LPP: variants seen among roughly 807,000 people sequenced by gnomAD.
LPP encodes the protein LIM domain containing preferred translocation partner in lipoma, also known as lipoma-preferred partner.
LPP carries 38 observed loss-of-function variants against 60.4 expected under a neutral mutation model. That is an observed-to-expected ratio of 0.63 (90% CI 0.49 to 0.83). The LOEUF (loss-of-function observed/expected upper bound fraction) is 0.83, where lower values mean the gene tolerates loss of function less well. Among genes scored for constraint, LPP ranks in the 40% least tolerant of loss-of-function variants. The pLI, the probability that LPP is intolerant of heterozygous loss-of-function variation, is 0.00. For missense variants in LPP, 902 were observed against 783.6 expected (o/e 1.15, Z -1.80); for synonymous variants, 328 against 290.8 (o/e 1.13, Z -1.30).
At chr3:188,478,538 A>G (rs1386049509) in intron 4 of LPP, among the ~76,000 whole-genome samples, 1 of 152,058 alleles carries the variant, frequency 6.6e-6, no homozygotes, top group Non-Finnish European at 1.5e-5. Context: ...TTACTGTGTT[A>G]GCTGCTTTGA....
intron 8 of LPP, among the ~76,000 whole-genome samples, chr3:188,755,237 A>G (rs1336994225): frequency 2.0e-5 from 3 of 152,214 alleles, no homozygotes; most frequent in Non-Finnish European, 2.9e-5. Flanking sequence ...GAAAAATGTG[A>G]CCTGGCTTTA....
intron 3 of LPP, among the ~76,000 whole-genome samples, chr3:188,355,310 A>G (rs1767277892): frequency 6.6e-6 from 1 of 152,150 alleles, no homozygotes; most frequent in Non-Finnish European, 1.5e-5. Context: ...CCTGGCTAGA[A>G]AGAAGAGACA....
At chr3:188,837,529 G>A (rs1000298516) in intron 9 of LPP, among the ~76,000 whole-genome samples, 2 of 152,024 alleles carry the variant, frequency 1.3e-5, no homozygotes, top group Admixed American at 1.3e-4. Context: ...CAGAGGATGG[G>A]AGAACAGAGA....
chr3:188,592,005 G>A (rs1442739005), intron 6 of LPP, among the ~76,000 whole-genome samples: 5 of 152,130 alleles, frequency 3.3e-5, no homozygotes, highest in Non-Finnish European at 7.4e-5. Context: ...TGCATGCCTG[G>A]CATTTTGATA....
At chr3:188,462,921 A>G (rs970555659) in intron 4 of LPP, among the ~76,000 whole-genome samples, 5 of 152,128 alleles carry the variant, frequency 3.3e-5, no homozygotes, top group African/African-American at 1.2e-4. Flanking sequence ...AACCTGGCCA[A>G]CATGGTGAAA....
intron 2 of LPP, among the ~76,000 whole-genome samples, chr3:188,326,422 T>C (rs1039608311): frequency 6.6e-6 from 1 of 152,216 alleles, no homozygotes; most frequent in Admixed American, 6.5e-5. Context: ...ATGTGACAAG[T>C]ACACTGAGTT....
intron 2 of LPP, among the ~76,000 whole-genome samples, chr3:188,325,520 A>G (rs1241287468): frequency 6.6e-6 from 1 of 152,062 alleles, no homozygotes; most frequent in African/African-American, 2.4e-5. Context: ...TTCTGTCATT[A>G]TCTTGCTTTA....
chr3:188,552,985 T>C lies in LPP; in HGVS notation c.429+28198T>C, dbSNP rs191219753. ...CGTTAATGCATGGAGGCTGAGATTG[T>C]GAGAAGAAATGAAGCAGCCAGTCAT... On this transcript the variant is annotated intron_variant, in intron 6 of 11. Coordinates refer to ENST00000617246, the MANE Select transcript of LPP (RefSeq NM_001375462.1). Among the ~76,000 whole-genome samples the C allele has an allele frequency of 1.5e-3, 230 of 152,268 alleles. 2 individuals are homozygous for C. Among genetic ancestry groups the C allele is most frequent in the African/African-American group, 5.4e-3 (223 of 41,546 alleles).
At position 188,230,968 on chromosome 3, in the gene LPP, A is replaced by C. The variant is rs147128370; in HGVS notation, c.-67+5441A>C. On this transcript the variant is annotated intron_variant, in intron 2 of 11. Transcript: ENST00000617246. ...CCAAGCACATCGCATGATGGTTGGCAGGATTTGTTTCCCCACAGATTATTG... is the reference window on the plus strand; with the variant it reads ...CCAAGCACATCGCATGATGGTTGGCCGGATTTGTTTCCCCACAGATTATTG... Among the ~76,000 whole-genome samples the C allele has an allele frequency of 3.3e-5, 5 of 152,142 alleles. No homozygotes were observed. In the East Asian group the frequency reaches 9.7e-4, roughly 29 times the overall value.
intron 8 of LPP, among the ~76,000 whole-genome samples, chr3:188,754,660 A>AT (rs201794579): frequency 2.2e-4 from 33 of 148,604 alleles, no homozygotes; most frequent in East Asian, 3.9e-4. Flanking sequence ...AGGGATCAAT[A>AT]TTTTTTTTTT....
At chr3:188,198,120 T>C (rs1393869865) in intron 1 of LPP, among the ~76,000 whole-genome samples, 1 of 152,230 alleles carries the variant, frequency 6.6e-6, no homozygotes. Context: ...AGCTGCTTTA[T>C]TCATATTGTT....
At chr3:188,180,598 C>T (rs915965823) in intron 1 of LPP, 1 of 154,318 alleles carries the variant, frequency 6.5e-6, no homozygotes, top group Non-Finnish European at 1.5e-5. Flanking sequence ...AAATATGGAA[C>T]CGTATAAAGA....
intron 7 of LPP, among the ~76,000 whole-genome samples, chr3:188,690,865 G>T (rs926821177): frequency 1.3e-5 from 2 of 152,040 alleles, no homozygotes; most frequent in Non-Finnish European, 2.9e-5. Flanking sequence ...ACAATATTAT[G>T]TGTAGTTTTT....
At chr3:188,800,461 G>GGT (rs1553852074) in intron 9 of LPP, among the ~76,000 whole-genome samples, 1 of 151,872 alleles carries the variant, frequency 6.6e-6, no homozygotes, top group Non-Finnish European at 1.5e-5. Context: ...TAGCCAGGAT[G>GGT]GTCTCCATCT....
intron 4 of LPP, among the ~76,000 whole-genome samples, chr3:188,442,026 G>A (rs1794109366): frequency 6.6e-6 from 1 of 152,248 alleles, no homozygotes; most frequent in South Asian, 2.1e-4. Context: ...GTATCTTAGG[G>A]GTCTAGCCTA....
At chr3:188,744,941 TC>T (rs1487815098) in intron 8 of LPP, among the ~76,000 whole-genome samples, 1 of 152,086 alleles carries the variant, frequency 6.6e-6, no homozygotes, top group African/African-American at 2.4e-5. Flanking sequence ...ACAACTTCAT[TC>T]CTTTCTCTGT....
At chr3:188,649,319 G>T (rs1314236669) in intron 7 of LPP, among the ~76,000 whole-genome samples, 2 of 152,196 alleles carry the variant, frequency 1.3e-5, no homozygotes, top group East Asian at 1.9e-4. Context: ...TCAAGCCAAA[G>T]AAAAATATAT....
At chr3:188,828,640 A>AAAAAAAAAAC (rs1756306374) in intron 9 of LPP, among the ~76,000 whole-genome samples, 1 of 146,974 alleles carries the variant, frequency 6.8e-6, no homozygotes, top group African/African-American at 2.5e-5. Flanking sequence ...AAAAAAAAAA[A>AAAAAAAAAAC]CTCAGCTGCA....
intron 2 of LPP, among the ~76,000 whole-genome samples, chr3:188,271,430 C>G (rs114894054): frequency 0.029 from 4,376 of 152,318 alleles, 91 homozygotes; most frequent in Non-Finnish European, 0.042. Context: ...GCAGATTCCA[C>G]AGCTTCCTCA....
Sources: allele counts gnomAD v4.1 joint callset (sites outside exome capture counted in the v4.1 genomes callset), GRCh38; gene constraint gnomAD v4.1.1; transcripts MANE v1.5; gene names NCBI Gene and HGNC (gene_info 2026-07-23, HGNC 2026-07-21).